Variants in RBFOX1 observed in about 807,000 individuals in gnomAD.
The protein encoded by RBFOX1 is RNA binding protein fox-1 homolog 1.
Under a neutral mutation model 57.7 loss-of-function variants are expected in RBFOX1, and 8 were observed. That is an observed-to-expected ratio of 0.14 (90% CI 0.08 to 0.25). The LOEUF (loss-of-function observed/expected upper bound fraction) is 0.25. RBFOX1 is among the 10% of genes least tolerant of loss of function. The probability of loss-of-function intolerance (pLI) is 1.00; values close to 1 mark genes in which losing one functional copy is unlikely to be tolerated. For synonymous variants in RBFOX1, 326 were observed against 222.4 expected (o/e 1.47, Z -4.15); for missense variants, 611 against 548.5 (o/e 1.11, Z -1.14).
intron 3 of RBFOX1, among the ~76,000 whole-genome samples, chr16:6,813,994 C>T (rs773144242): frequency 9.9e-5 from 15 of 151,986 alleles, no homozygotes; most frequent in Non-Finnish European, 1.8e-4. Flanking sequence ...CTGGCAATAT[C>T]TGAGGACCGG....
intron 1 of RBFOX1, among the ~76,000 whole-genome samples, chr16:6,252,121 A>G (rs1055082721): frequency 4.6e-5 from 7 of 152,082 alleles, no homozygotes. Flanking sequence ...ATGACAGTCC[A>G]GTCCTCCACA....
intron 1 of RBFOX1, among the ~76,000 whole-genome samples, chr16:5,396,370 G>A (rs1218582405): frequency 6.6e-6 from 1 of 152,102 alleles, no homozygotes; most frequent in Non-Finnish European, 1.5e-5. Flanking sequence ...GCGAGGCATG[G>A]GGGCTCACAC....
chr16:5,247,750 CA>C (rs57736835), intron 1 of RBFOX1, among the ~76,000 whole-genome samples: 4,157 of 151,898 alleles, frequency 0.027, 175 homozygotes, highest in African/African-American at 0.09. Flanking sequence ...TCGAGAGAAA[CA>C]AAAAAAATGC....
chr16:5,837,247 TC>T (rs1307963090), intron 3 of RBFOX1, among the ~76,000 whole-genome samples: 1 of 150,068 alleles, frequency 6.7e-6, no homozygotes, highest in Non-Finnish European at 1.5e-5. Context: ...GCTAGACTTT[TC>T]TCAGTTTTTT....
chr16:7,138,129 G>A (rs141731171), intron 4 of RBFOX1, among the ~76,000 whole-genome samples: 9 of 152,232 alleles, frequency 5.9e-5, no homozygotes, highest in South Asian at 2.1e-4. Context: ...TACAGAAAGC[G>A]CTGTTGACTC....
intron 1 of RBFOX1, among the ~76,000 whole-genome samples, chr16:6,153,161 A>C (rs4786087): frequency 0.49 from 74,762 of 151,396 alleles, 19,561 homozygotes; most frequent in Middle Eastern, 0.58. Flanking sequence ...ACCCATCACC[A>C]GAGCAGTATA....
chr16:6,177,580 C>A (rs1178676106), intron 1 of RBFOX1, among the ~76,000 whole-genome samples: 1 of 152,152 alleles, frequency 6.6e-6, no homozygotes, highest in South Asian at 2.1e-4. Flanking sequence ...CCTGTTTCAT[C>A]TTCTATGAAA....
At chr16:5,840,167 A>T (rs1449013826) in intron 3 of RBFOX1, among the ~76,000 whole-genome samples, 1 of 152,164 alleles carries the variant, frequency 6.6e-6, no homozygotes, top group Admixed American at 6.5e-5. Context: ...TTTTAGAAAA[A>T]GACCTGGACA....
At chr16:7,108,608 A>G (rs957818158) in intron 4 of RBFOX1, among the ~76,000 whole-genome samples, 2 of 152,180 alleles carry the variant, frequency 1.3e-5, no homozygotes, top group East Asian at 1.9e-4. Context: ...TGTTAGAGAT[A>G]TGATTAATTG....
At chr16:5,422,037 G>A (rs1032128719) in intron 1 of RBFOX1, among the ~76,000 whole-genome samples, 2 of 152,168 alleles carry the variant, frequency 1.3e-5, no homozygotes, top group Non-Finnish European at 2.9e-5. Flanking sequence ...AAGCAATTAC[G>A]CAGTACCTGT....
intron 3 of RBFOX1, among the ~76,000 whole-genome samples, chr16:5,609,027 G>C (rs1330757395): frequency 6.6e-6 from 1 of 152,162 alleles, no homozygotes; most frequent in Non-Finnish European, 1.5e-5. Flanking sequence ...ATCACACATA[G>C]CTTTTAATCA....
intron 3 of RBFOX1, among the ~76,000 whole-genome samples, chr16:6,664,899 C>G (rs1246059091): frequency 6.6e-6 from 1 of 152,206 alleles, no homozygotes; most frequent in African/African-American, 2.4e-5. Context: ...AAGTCACATT[C>G]CTGTCTGTCC....
intron 2 of RBFOX1, among the ~76,000 whole-genome samples, chr16:6,550,760 T>G (rs1223160216): frequency 6.6e-6 from 1 of 152,258 alleles, no homozygotes; most frequent in Non-Finnish European, 1.5e-5. Context: ...AGTTTTAGTT[T>G]CTAAGAATTT....
At chr16:6,790,169 C>CTAT (rs71145294) in intron 3 of RBFOX1, among the ~76,000 whole-genome samples, 10,513 of 141,472 alleles carry the variant, frequency 0.074, 488 homozygotes, top group East Asian at 0.21. Flanking sequence ...TTATTTTATT[C>CTAT]TATTATTATT....
chr16:5,734,848 C>G (rs1189492273), intron 3 of RBFOX1, among the ~76,000 whole-genome samples: 1 of 152,168 alleles, frequency 6.6e-6, no homozygotes, highest in Admixed American at 6.5e-5. Flanking sequence ...AGAAAGGTCA[C>G]TGCAAGTGAG....
chr16:5,739,248 G>A (rs12051302), intron 3 of RBFOX1, among the ~76,000 whole-genome samples: 25 of 152,184 alleles, frequency 1.6e-4, no homozygotes, highest in African/African-American at 5.1e-4. Context: ...GGAACTTGGC[G>A]TCCAATATGG....
intron 2 of RBFOX1, among the ~76,000 whole-genome samples, chr16:6,567,235 C>T (rs183536745): frequency 6.6e-6 from 1 of 152,290 alleles, no homozygotes; most frequent in East Asian, 1.9e-4. Flanking sequence ...GCTTCCTAAT[C>T]TCCAAATTTC....
At position 7,378,229 on chromosome 16, in the gene RBFOX1, C is replaced by G. The variant is rs533634051; in HGVS notation, c.28-139918C>G. Among the ~76,000 whole-genome samples the G allele has an allele frequency of 4.6e-5, 7 of 152,284 alleles. No homozygotes were observed. In the South Asian group the frequency reaches 1.2e-3, roughly 27 times the overall value. Reference sequence around the variant, plus strand: ...CAGGAAGCTGCGATGAGTGTGTACACAAACCATCTCCTGATCTCGAGCCTT... The same window carrying G: ...CAGGAAGCTGCGATGAGTGTGTACAGAAACCATCTCCTGATCTCGAGCCTT... On this transcript the variant is annotated intron_variant, in intron 4 of 15. Transcript: ENST00000550418.
intron 4 of RBFOX1, among the ~76,000 whole-genome samples, chr16:7,491,702 C>T (rs923770302): frequency 6.6e-6 from 1 of 152,108 alleles, no homozygotes; most frequent in Non-Finnish European, 1.5e-5. Flanking sequence ...ATGATTGTGG[C>T]TCACAGCAGC....
Sources: allele counts gnomAD v4.1 joint callset (sites outside exome capture counted in the v4.1 genomes callset), GRCh38; gene constraint gnomAD v4.1.1; transcripts MANE v1.5; gene names NCBI Gene and HGNC (gene_info 2026-07-23, HGNC 2026-07-21).